Variants in DIS3L2 observed in about 807,000 individuals in gnomAD.
DIS3L2 encodes the protein DIS3-like exonuclease 2.
In DIS3L2, 34 loss-of-function variants were observed where a neutral mutation model predicts 97.5. That is an observed-to-expected ratio of 0.35 (90% confidence interval 0.27 to 0.46). The LOEUF (loss-of-function observed/expected upper bound fraction) is 0.46. Among genes scored for constraint, DIS3L2 ranks in the 20% least tolerant of loss-of-function variants. The pLI, the probability that DIS3L2 is intolerant of heterozygous loss-of-function variation, is 1.00. For missense variants in DIS3L2, 1,038 were observed against 1,146.0 expected (o/e 0.91, Z 1.36); for synonymous variants, 435 against 445.2 (o/e 0.98, Z 0.29).
chr2:232,283,868 A>G (rs533208332), intron 13 of DIS3L2, among the ~76,000 whole-genome samples: 6 of 152,144 alleles, frequency 3.9e-5, no homozygotes, highest in African/African-American at 7.2e-5. Context: ...AGTTACACAA[A>G]TGTACGTGTG....
chr2:232,227,150 GA>G (rs1424033429), intron 10 of DIS3L2, among the ~76,000 whole-genome samples: 4 of 152,156 alleles, frequency 2.6e-5, no homozygotes, highest in African/African-American at 4.8e-5. Context: ...CAGTCATGTT[GA>G]AAATCATACT....
chr2:232,036,301 C>T (rs1694946946), intron 5 of DIS3L2, among the ~76,000 whole-genome samples: 3 of 152,268 alleles, frequency 2.0e-5, no homozygotes, highest in Admixed American at 6.5e-5. Context: ...TTCTTCTACT[C>T]GATCAATTCA....
intron 15 of DIS3L2, 55 bp downstream of exon 15, chr2:232,330,051 A>G: frequency 6.5e-7 from 1 of 1,549,036 alleles, no homozygotes; most frequent in African/African-American, 1.4e-5. Flanking sequence ...GAAGAGAAAG[A>G]CCTGGAAGGT....
chr2:232,321,432 C>T (rs1169260825), intron 14 of DIS3L2, among the ~76,000 whole-genome samples: 1 of 152,190 alleles, frequency 6.6e-6, no homozygotes, highest in African/African-American at 2.4e-5. Context: ...AGCTGTCACC[C>T]AGGGGCCATG....
At position 232,230,320 on chromosome 2, in the gene DIS3L2, G is replaced by A. The variant is rs147620584; in HGVS notation, c.1205-8213G>A. On this transcript the variant is annotated intron_variant, in intron 10 of 20. Transcript: ENST00000325385. ...TAGGATCATGCTAAGGCCAGGGCCC[G>A]CATCCTGGCTGCATGAGCTGCCCTA... Among the ~76,000 whole-genome samples the A allele has an allele frequency of 2.8e-3, 423 of 152,328 alleles. 1 individual carries two copies. Among genetic ancestry groups the A allele is most frequent in the Middle Eastern group, 6.8e-3 (2 of 294 alleles).
chr2:232,148,683 A>G (rs745808711), intron 8 of DIS3L2, among the ~76,000 whole-genome samples: 24 of 148,696 alleles, frequency 1.6e-4, no homozygotes, highest in Non-Finnish European at 2.4e-4. Flanking sequence ...CTGGTAAAAC[A>G]TTGTGTCAGA....
chr2:232,270,909 T>TCC (rs1693989816), intron 13 of DIS3L2, among the ~76,000 whole-genome samples: 1 of 128,140 alleles, frequency 7.8e-6, no homozygotes, highest in Non-Finnish European at 1.7e-5. Context: ...TCTCTCTCTC[T>TCC]CTCTCTGTCT....
chr2:232,015,829 ATTC>A, intron 3 of DIS3L2, 158 bp downstream of exon 3: 3 of 732,700 alleles, frequency 4.1e-6, no homozygotes, highest in Middle Eastern at 8.1e-4. Context: ...GAGGTAACAG[ATTC>A]TTCTTAGAAC....
intron 13 of DIS3L2, among the ~76,000 whole-genome samples, chr2:232,267,852 A>G (rs947186209): frequency 1.1e-4 from 16 of 152,238 alleles, no homozygotes; most frequent in African/African-American, 3.9e-4. Context: ...TGTGAAGACA[A>G]GGCCTCAGGC....
chr2:232,001,921 A>G (rs1050077986), intron 1 of DIS3L2, among the ~76,000 whole-genome samples: 2 of 151,828 alleles, frequency 1.3e-5, no homozygotes, highest in African/African-American at 4.8e-5. Flanking sequence ...GGGTTTCACC[A>G]TATTGGTCAG....
At chr2:232,004,273 A>G (rs1042037555) in intron 1 of DIS3L2, among the ~76,000 whole-genome samples, 1 of 152,114 alleles carries the variant, frequency 6.6e-6, no homozygotes, top group Non-Finnish European at 1.5e-5. Flanking sequence ...GGGTTTCACC[A>G]TGTAGTCCAG....
Position 232,299,811 on chromosome 2 carries a change from C to T in DIS3L2, c.1660-229C>T, listed in dbSNP as rs1359705408. ...TAGCACAAGATAGGTGCTTAATAAA[C>T]GTATTGGTTGCATGCTGAATGAACA... On this transcript the variant is annotated intron_variant, in intron 13 of 20. Transcript: ENST00000325385. 2.6e-5 allele frequency among the ~76,000 whole-genome samples: 4 copies of T among 152,210 alleles called. 1 individual carries two copies. The highest frequency in any genetic ancestry group is 5.9e-5 in the Non-Finnish European group (4 of 68,040).
At chr2:232,313,394 C>G (rs974324680) in intron 14 of DIS3L2, among the ~76,000 whole-genome samples, 2 of 152,208 alleles carry the variant, frequency 1.3e-5, no homozygotes, top group Non-Finnish European at 2.9e-5. Flanking sequence ...AAGACTGCTA[C>G]TCCTCATTTT....
At chr2:232,081,584 C>G (rs957165763) in intron 5 of DIS3L2, among the ~76,000 whole-genome samples, 2 of 151,970 alleles carry the variant, frequency 1.3e-5, no homozygotes, top group African/African-American at 4.8e-5. Context: ...ACAGTTCGTA[C>G]AGGCCAGGTA....
chr2:232,085,033 G>A (rs1411187829), intron 5 of DIS3L2, among the ~76,000 whole-genome samples: 1 of 152,066 alleles, frequency 6.6e-6, no homozygotes, highest in East Asian at 1.9e-4. Context: ...TCTTGTATAA[G>A]GTGAAGATCT....
chr2:232,122,945 A>T (rs1325339938), intron 6 of DIS3L2, among the ~76,000 whole-genome samples: 2 of 152,194 alleles, frequency 1.3e-5, no homozygotes, highest in Non-Finnish European at 2.9e-5. Context: ...TTGAATTTAG[A>T]TCTTGTGACT....
intron 5 of DIS3L2, among the ~76,000 whole-genome samples, chr2:232,069,081 T>C (rs1311642998): frequency 2.6e-5 from 4 of 152,156 alleles, no homozygotes; most frequent in Admixed American, 2.0e-4. Context: ...CCTCCCAAAG[T>C]GCTGGGATTA....
intron 10 of DIS3L2, among the ~76,000 whole-genome samples, chr2:232,222,132 A>G (rs1282542975): frequency 6.6e-6 from 1 of 152,028 alleles, no homozygotes; most frequent in East Asian, 1.9e-4. Context: ...TAGCAGAAAC[A>G]GGGTTTCACC....
At chr2:232,040,641 C>T (rs1186511275) in intron 5 of DIS3L2, among the ~76,000 whole-genome samples, 1 of 152,142 alleles carries the variant, frequency 6.6e-6, no homozygotes, top group African/African-American at 2.4e-5. Context: ...TATATAAACC[C>T]TGTGGGTGCT....
Sources: gnomAD v4.1 joint callset for allele counts (sites outside exome capture counted in the v4.1 genomes callset) on GRCh38, gnomAD v4.1.1 for gene constraint, MANE v1.5 for transcripts, NCBI Gene and HGNC (gene_info 2026-07-23, HGNC 2026-07-21) for gene names.